The following MORC4 variants were observed in gnomAD, a reference collection of about 807,000 sequenced individuals.
The protein encoded by MORC4 is MORC family CW-type zinc finger 4.
Under a neutral mutation model 65.5 loss-of-function variants are expected in MORC4, and 22 were observed. The ratio of observed to expected loss-of-function variants is 0.34; its 90% confidence interval spans 0.24 to 0.48. MORC4 has a LOEUF of 0.48. Ranked by LOEUF, MORC4 falls within the 20% of genes least tolerant of loss-of-function variation. The probability of loss-of-function intolerance (pLI) is 0.99; values close to 1 mark genes in which losing one functional copy is unlikely to be tolerated. For synonymous variants in MORC4, 267 were observed against 255.8 expected (o/e 1.04, Z -0.42); for missense variants, 624 against 703.0 (o/e 0.89, Z 1.27).
chrX:106,958,253 T>A, intron 11 of MORC4, 83 bp downstream of exon 11: 1 of 964,150 alleles, frequency 1.0e-6, no homozygotes, highest in Non-Finnish European at 1.4e-6. Context: ...CTGAAGGGTG[T>A]GAACCTGAGA....
At chrX:106,998,419 T>C (rs757279019) in intron 2 of MORC4, among the ~76,000 whole-genome samples, 2 of 112,201 alleles carry the variant, frequency 1.8e-5, no homozygotes, top group Non-Finnish European at 3.8e-5. Context: ...ACCTGGAAAG[T>C]ACAGTAAGCA....
intron 3 of MORC4, among the ~76,000 whole-genome samples, chrX:106,992,376 G>A (rs192484603): frequency 1.8e-5 from 2 of 111,853 alleles, no homozygotes; most frequent in Admixed American, 1.9e-4. Flanking sequence ...ATTGTTACTC[G>A]TGCTTCACAC....
At chrX:106,977,696 G>A (rs1934655235) in intron 8 of MORC4, among the ~76,000 whole-genome samples, 1 of 110,969 alleles carries the variant, frequency 9.0e-6, no homozygotes, top group Non-Finnish European at 1.9e-5. Flanking sequence ...GAAAATTCAG[G>A]ACCCAAATCC....
chrX:106,987,312 A>C (rs1934891947), intron 3 of MORC4, among the ~76,000 whole-genome samples: 1 of 111,767 alleles, frequency 8.9e-6, no homozygotes, highest in Admixed American at 9.5e-5. Flanking sequence ...TGTATAAAGT[A>C]CTCACATGTA....
At chrX:106,951,564 C>T (rs1160216767) in intron 14 of MORC4, among the ~76,000 whole-genome samples, 2 of 110,912 alleles carry the variant, frequency 1.8e-5, no homozygotes, top group East Asian at 5.7e-4. Flanking sequence ...GAGAAGAGGT[C>T]TCACTGTGTT....
chrX:106,942,756 G>A lies in MORC4; in HGVS notation c.2135C>T (p.Pro712Leu). The A allele has an allele frequency of 8.3e-7, 1 of 1,211,517 alleles. No homozygotes were observed. The highest frequency in any genetic ancestry group is 2.2e-5 in the Admixed American group (1 of 46,029). Residue 712 changes from proline to leucine, a missense_variant, in exon 15 of 17, where the codon CCT (proline) becomes CTT (leucine). By Grantham distance (98) the Pro-to-Leu change is moderately conservative (BLOSUM62 -3). Transcript: ENST00000355610. ...CTCAGCAAGCTCCTCTCTGTTAAAA[G>A]GGATCAGCTGAATGGGAGCTCCTGA... Reference protein sequence around the residue: ...RDSGAPIQLIPFNREELAERR... With the variant: ...RDSGAPIQLILFNREELAERR...
rs185556666 is a variant in MORC4, at chrX:106,982,474, T to C, written c.675-997A>G. On this transcript the variant is annotated intron_variant, in intron 5 of 16. Coordinates refer to ENST00000355610, the MANE Select transcript of MORC4 (RefSeq NM_024657.5). ...GCATCATGCCCATGTCAATGTATAA[T>C]AGCTTATTATGGATTTTCCAGGATA... Among the ~76,000 whole-genome samples, 308 of 111,659 alleles carry C rather than the reference T, an allele frequency of 2.8e-3. 2 individuals carry two copies. Among genetic ancestry groups the C allele is most frequent in the African/African-American group, 8.5e-3 (260 of 30,731 alleles).
chrX:106,984,816 C>T (rs970783118), intron 5 of MORC4, among the ~76,000 whole-genome samples: 4 of 108,762 alleles, frequency 3.7e-5, no homozygotes, highest in African/African-American at 3.4e-5. Flanking sequence ...TAAAAGTATG[C>T]AATGAGATAT....
intron 3 of MORC4, among the ~76,000 whole-genome samples, chrX:106,987,251 A>C (rs773031282): frequency 3.6e-5 from 4 of 111,605 alleles, no homozygotes; most frequent in Non-Finnish European, 7.5e-5. Context: ...TAAATTATCA[A>C]GGTGATGGAA....
At position 106,978,231 on chromosome X, in the gene MORC4, A is replaced by C. The variant is rs1189071402; in HGVS notation, c.937-32T>G. The C allele has an allele frequency of 5.1e-6, 6 of 1,174,733 alleles. No homozygotes were observed. The South Asian group carries it at 1.0e-4, about 20-fold the overall frequency. On this transcript the variant is annotated intron_variant, in intron 7 of 16. Transcript: ENST00000355610. ...AGAACATCGTTAAGGAGACAAACAT[A>C]CCAGGGGCTTCAACGACAAAATTTT...
chrX:106,999,960 A>G lies in MORC4; in HGVS notation c.10T>C (p.Tyr4His). MLL[Y>H]RGAPAGPGAP... ...CCAGGGCCGGCGGGGGCCCCTCGGT[A>G]CAGGAGCATTTTTTTGGCCGCCACG... Residue 4 changes from tyrosine to histidine, a missense_variant, in exon 1 of 17, where the codon TAC becomes CAC. Transcript: ENST00000355610. 1.2e-6 allele frequency: 1 copy of G among 848,737 alleles called. No homozygotes were observed. The allele number at this position is 848,737 out of a possible 1,213,427, so 69.9% of individuals were successfully genotyped here.
At chrX:106,948,358 T>A (rs1413690016) in intron 14 of MORC4, among the ~76,000 whole-genome samples, 1 of 112,164 alleles carries the variant, frequency 8.9e-6, no homozygotes, top group Non-Finnish European at 1.9e-5. Context: ...TTGTCAAATA[T>A]TTTACATTTG....
intron 2 of MORC4, 65 bp from the exon 3 acceptor site, chrX:106,993,427 T>C: frequency 9.3e-7 from 1 of 1,072,331 alleles, no homozygotes; most frequent in Non-Finnish European, 1.3e-6. Flanking sequence ...AATCTCTAGT[T>C]CAGTGACGCC....
intron 2 of MORC4, 143 bp downstream of exon 2, chrX:106,999,534 C>T: frequency 2.3e-6 from 1 of 441,807 alleles, no homozygotes; most frequent in South Asian, 4.2e-5. Flanking sequence ...CCTCCTCCGC[C>T]TGCGGAGCCG....
At chrX:106,996,176 T>C (rs1446487908) in intron 2 of MORC4, among the ~76,000 whole-genome samples, 4 of 106,692 alleles carry the variant, frequency 3.7e-5, no homozygotes, top group African/African-American at 1.4e-4. Flanking sequence ...CAAACTTTAC[T>C]AGGTACTTTT....
chrX:107,000,011 C>G lies in MORC4; in HGVS notation c.-42G>C. ...GTACCCGTCTGCTGCCGCCGGACCCCTGGCCCGGCGGTCCGGGACTAGCCC... is the reference window on the plus strand; with the variant it reads ...GTACCCGTCTGCTGCCGCCGGACCCGTGGCCCGGCGGTCCGGGACTAGCCC... On this transcript the variant is annotated 5_prime_UTR_variant, in exon 1 of 17. Transcript: ENST00000355610. The G allele has an allele frequency of 6.2e-6, 4 of 649,954 alleles. No individual in the cohort carries two copies. The highest frequency in any genetic ancestry group is 7.8e-6 in the Non-Finnish European group (4 of 511,765). The allele number at this position is 649,954 out of a possible 1,213,427, so 53.6% of individuals were successfully genotyped here.
chrX:106,989,272 A>G (rs1004698086), intron 3 of MORC4, among the ~76,000 whole-genome samples: 60 of 112,459 alleles, frequency 5.3e-4, no homozygotes, highest in African/African-American at 1.7e-3. Context: ...CTGAATATAC[A>G]GACTAACTGA....
intron 7 of MORC4, among the ~76,000 whole-genome samples, chrX:106,979,132 CA>C (rs1239226751): frequency 9.0e-6 from 1 of 110,782 alleles, no homozygotes; most frequent in Non-Finnish European, 1.9e-5. Context: ...GTTACTTATT[CA>C]AAAAATGATC....
intron 9 of MORC4, among the ~76,000 whole-genome samples, chrX:106,962,419 G>A (rs766481222): frequency 1.3e-4 from 15 of 112,057 alleles, no homozygotes; most frequent in Non-Finnish European, 2.6e-4. Context: ...TGACATTAGA[G>A]ACTATGACAG....
Sources: gnomAD v4.1 joint callset for allele counts (sites outside exome capture counted in the v4.1 genomes callset) on GRCh38, gnomAD v4.1.1 for gene constraint, MANE v1.5 for transcripts, NCBI Gene and HGNC (gene_info 2026-07-23, HGNC 2026-07-21) for gene names.